Variants in C2CD2 observed in about 807,000 individuals in gnomAD.
C2CD2 encodes C2 calcium dependent domain containing 2.
C2CD2 carries 43 observed loss-of-function variants against 74.3 expected under a neutral mutation model. The ratio of observed to expected loss-of-function variants is 0.58; its 90% CI spans 0.45 to 0.75. The LOEUF (loss-of-function observed/expected upper bound fraction) is 0.75, where lower values mean the gene tolerates loss of function less well. Ranked by LOEUF, C2CD2 falls within the 30% of genes least tolerant of loss-of-function variation. The probability of loss-of-function intolerance (pLI) is 0.00; values close to 1 mark genes in which losing one functional copy is unlikely to be tolerated. For synonymous variants in C2CD2, 422 were observed against 390.7 expected, an observed-to-expected ratio of 1.08 and a Z score of -0.94; for missense variants, 801 against 916.3, an observed-to-expected ratio of 0.87 and a Z score of 1.63.
chr21:41,950,859 A>G (rs181332373), intron 1 of C2CD2, among the ~76,000 whole-genome samples: 1 of 152,242 alleles, frequency 6.6e-6, no homozygotes, highest in Non-Finnish European at 1.5e-5. Flanking sequence ...AATGCTGGAC[A>G]TGATTAAGTT....
At chr21:41,917,963 T>C (rs1358857706) in intron 5 of C2CD2, 142 bp downstream of exon 5, 7 of 878,836 alleles carry the variant, frequency 8.0e-6, no homozygotes, top group Non-Finnish European at 1.1e-5. Flanking sequence ...TCCACCATCA[T>C]GATCTCCAGC....
intron 7 of C2CD2, among the ~76,000 whole-genome samples, chr21:41,911,240 T>C (rs1212697169): frequency 6.6e-6 from 1 of 152,180 alleles, no homozygotes; most frequent in East Asian, 1.9e-4. Context: ...GATTTCCTTA[T>C]GAGAAAGCAC....
Position 41,899,211 on chromosome 21 carries a change from G to A in C2CD2, c.1712C>T (p.Ala571Val), listed in dbSNP as rs764710467. ...TAGCTCGTCCTCCTGGGGCTTGGGG[G>A]CAAGGGATGCCTGGGCTGACTCGGC... is the stretch of plus-strand genomic sequence containing the variant. ...EEAESAQASL[A>V]PKPQEDELDS... is the part of the protein sequence containing the mutation. Residue 571 changes from alanine (A) to valine (V), a missense_variant, in exon 13 of 14, where the codon GCC becomes GTC. Physicochemically the swap from Ala to Val is moderately conservative, Grantham distance 64 (BLOSUM62 0). Transcript: ENST00000380486. The surrounding 1 kb of genome is among the most constrained non-coding windows in gnomAD (Gnocchi z 4.4). 28 of 1,612,134 alleles carry A rather than the reference G, an allele frequency of 1.7e-5. No individual in the cohort carries two copies. The highest frequency in any genetic ancestry group is 1.6e-5 in the Non-Finnish European group (19 of 1,179,414).
intron 13 of C2CD2, among the ~76,000 whole-genome samples, chr21:41,893,236 A>G (rs778118098): frequency 6.6e-6 from 1 of 152,168 alleles, no homozygotes; most frequent in Non-Finnish European, 1.5e-5. Context: ...TGCAAGTGAA[A>G]TTGTACTACA....
At chr21:41,918,623 C>T (rs949255248) in intron 4 of C2CD2, among the ~76,000 whole-genome samples, 2 of 152,030 alleles carry the variant, frequency 1.3e-5, no homozygotes, top group African/African-American at 4.8e-5. Flanking sequence ...ACTGCAGGTG[C>T]AGCTCAGGTG....
At chr21:41,898,116 C>T (rs1000035183) in intron 13 of C2CD2, among the ~76,000 whole-genome samples, 5 of 152,210 alleles carry the variant, frequency 3.3e-5, no homozygotes, top group Admixed American at 3.3e-4. Context: ...TTCGATTTCC[C>T]GACACAGATG....
intron 11 of C2CD2, among the ~76,000 whole-genome samples, chr21:41,904,936 A>AT (rs5844092): frequency 0.73 from 111,460 of 152,082 alleles, 41,583 homozygotes; most frequent in African/African-American, 0.87. Context: ...CTCTTCAAAA[A>AT]GTCTATTACC....
intron 12 of C2CD2, among the ~76,000 whole-genome samples, chr21:41,900,725 G>A (rs930860836): frequency 6.6e-6 from 1 of 151,948 alleles, no homozygotes; most frequent in Non-Finnish European, 1.5e-5. Flanking sequence ...CTTTTGTCCA[G>A]AATTCTTCCT....
chr21:41,890,710 A>G (rs902612876), intron 13 of C2CD2, among the ~76,000 whole-genome samples: 4 of 152,236 alleles, frequency 2.6e-5, no homozygotes, highest in Non-Finnish European at 5.9e-5. Flanking sequence ...ATCGCCACCC[A>G]TGTTGAGGAG....
chr21:41,889,396 G>T, intron 13 of C2CD2, 52 bp from the exon 14 acceptor site: 2 of 1,245,058 alleles, frequency 1.6e-6, no homozygotes, highest in South Asian at 1.2e-5. Context: ...ATGAGGGGCT[G>T]AATGACTGGT....
chr21:41,917,009 G>C (rs910923474), intron 5 of C2CD2, among the ~76,000 whole-genome samples: 2 of 152,196 alleles, frequency 1.3e-5, no homozygotes, highest in African/African-American at 4.8e-5. Flanking sequence ...GGCATGGCCT[G>C]GTCCCCTCCA....
At chr21:41,912,040 A>T (rs546606543) in intron 7 of C2CD2, 27 of 292,694 alleles carry the variant, frequency 9.2e-5, no homozygotes, top group African/African-American at 4.1e-4. Context: ...GGATTCAGTC[A>T]GAGGCTCCCT....
chr21:41,911,766 C>A (rs1244411889), intron 7 of C2CD2, among the ~76,000 whole-genome samples: 4 of 151,964 alleles, frequency 2.6e-5, no homozygotes, highest in Non-Finnish European at 5.9e-5. Flanking sequence ...TCACAGCTCA[C>A]TGAAGCCTCG....
chr21:41,935,252 G>T (rs551026463), intron 2 of C2CD2, among the ~76,000 whole-genome samples: 1 of 152,172 alleles, frequency 6.6e-6, no homozygotes, highest in Non-Finnish European at 1.5e-5. Context: ...ATGGGGGAAA[G>T]AATATAAATG....
chr21:41,953,334 T>C (rs781673085), intron 1 of C2CD2, 36 bp downstream of exon 1: 3 of 1,348,722 alleles, frequency 2.2e-6, no homozygotes, highest in Admixed American at 6.5e-5. Context: ...CGCCCCGGCA[T>C]CTGCCGCCCC....
chr21:41,947,539 C>T (rs1401100006), intron 1 of C2CD2, among the ~76,000 whole-genome samples: 1 of 152,102 alleles, frequency 6.6e-6, no homozygotes, highest in East Asian at 1.9e-4. Flanking sequence ...TTTCTTGGTT[C>T]TGATCATTGA....
Position 41,905,873 on chromosome 21 carries a change from C to T in C2CD2, c.1319-36G>A, listed in dbSNP as rs372322182. On this transcript the variant is annotated intron_variant, in intron 10 of 13. Transcript: ENST00000380486. ...AAGATCCTGATTACAAAAGCGGCCC[C>T]GTGGCTGACTGGATCAACAGTTACC... 5.9e-5 allele frequency: 68 copies of T among 1,147,128 alleles called. 5 individuals are homozygous for T. The highest frequency in any genetic ancestry group is 1.7e-4 in the Admixed American group (10 of 59,298). The allele number at this position is 1,147,128 out of a possible 1,614,324, so 71.1% of individuals were successfully genotyped here.
rs1263122728 is a variant in C2CD2 at position 41,953,629 on chromosome 21, C to G, written c.20G>C (p.Gly7Ala). ...CCACTGCGCCTCCCCGAGCCACGAG[C>G]CCAGCCGGGCCATGGCCATGGCGCA... Reference protein sequence around the residue: MAMARLGSWLGEAQWLA... With the variant: MAMARLASWLGEAQWLA... Residue 7 changes from glycine (G) to alanine (A), a missense_variant, in exon 1 of 14, where the codon GGC becomes GCC. Transcript: ENST00000380486. 4 of 1,487,770 alleles carry G rather than the reference C, an allele frequency of 2.7e-6. No homozygotes were observed. Among genetic ancestry groups the G allele is most frequent in the Non-Finnish European group, 3.5e-6 (4 of 1,128,232 alleles). The allele number at this position is 1,487,770 out of a possible 1,614,324, so 92.2% of individuals were successfully genotyped here. A position where few individuals can be genotyped will look rare whatever the true frequency, so the allele number is the denominator to read the frequency against.
chr21:41,949,976 C>A (rs1695724033), intron 1 of C2CD2, among the ~76,000 whole-genome samples: 1 of 152,022 alleles, frequency 6.6e-6, no homozygotes. Flanking sequence ...CATCACACAC[C>A]AGGGCCTGTC....
Sources: gnomAD v4.1 joint callset for allele counts (sites outside exome capture counted in the v4.1 genomes callset) on GRCh38, gnomAD v4.1.1 for gene constraint, Gnocchi (gnomAD v3.1) non-coding constraint, MANE v1.5 for transcripts, NCBI Gene and HGNC (gene_info 2026-07-23, HGNC 2026-07-21) for gene names.